LILRA1: variants seen among roughly 807,000 people sequenced by gnomAD.
LILRA1 encodes the protein leukocyte immunoglobulin like receptor A1, also known as leukocyte immunoglobulin-like receptor subfamily A member 1.
In LILRA1, 51 loss-of-function variants were observed where a neutral mutation model predicts 51.6. That is an observed-to-expected ratio of 0.99 (90% CI 0.79 to 1.25). LILRA1 has a LOEUF of 1.25. Ranked by LOEUF, LILRA1 falls within the 50% of genes most tolerant of loss-of-function variation. The pLI is 0.00. For synonymous variants in LILRA1, 305 were observed against 248.4 expected, an observed-to-expected ratio of 1.23 and a Z score of -2.14; for missense variants, 660 against 611.7, an observed-to-expected ratio of 1.08 and a Z score of -0.83.
chr19:54,596,126 C>A, intron 6 of LILRA1, 63 bp from the exon 7 acceptor site: 1 of 1,570,220 alleles, frequency 6.4e-7, no homozygotes, highest in Non-Finnish European at 8.6e-7. Context: ...CAGATAGAAG[C>A]CTGGGGAGGC....
Position 54,596,379 on chromosome 19 carries a change from T to G in LILRA1, c.1149T>G (p.Pro383=), listed in dbSNP as rs761839719. 1.3e-6 allele frequency: 2 copies of G among 1,595,102 alleles called. No individual in the cohort carries two copies. Among genetic ancestry groups the G allele is most frequent in the Non-Finnish European group, 8.6e-7 (1 of 1,168,908 alleles). The change falls in exon 7 of 10, where the codon CCT becomes CCG. Residue 383 remains proline, a synonymous_variant. Coordinates refer to ENST00000251372, the MANE Select transcript of LILRA1 (RefSeq NM_006863.4). ...ATCCTAAGTACCAGGCTGAATTCCC[T>G]ATGAGTCCTGTGACCTCAGCCCACT... ...HEYPKYQAEF[P]MSPVTSAHSG... is the part of the protein sequence containing the mutation.
At position 54,600,999 on chromosome 19, in the gene LILRA1, G is replaced by A; in HGVS notation, c.*182G>A. 1 of 692,210 alleles carries A rather than the reference G, an allele frequency of 1.4e-6. No homozygotes were observed. The highest frequency in any genetic ancestry group is 2.6e-5 in the Admixed American group (1 of 38,982). The allele number at this position is 692,210 out of a possible 1,614,324, so 42.9% of individuals were successfully genotyped here. A position where few individuals can be genotyped will look rare whatever the true frequency, so the allele number is the denominator to read the frequency against. Reference sequence around the variant, plus strand: ...TGTTGGATTGCAGAGACATTTTCTGGAGTGATCCATGAAGGACCATTAACC... The same window carrying A: ...TGTTGGATTGCAGAGACATTTTCTGAAGTGATCCATGAAGGACCATTAACC... On this transcript the variant is annotated 3_prime_UTR_variant, in exon 10 of 10. Coordinates refer to ENST00000251372, the MANE Select transcript of LILRA1 (RefSeq NM_006863.4).
At position 54,598,531 on chromosome 19, in the gene LILRA1, C is replaced by T. The variant is rs529020056; in HGVS notation, c.1262-705C>T. 3.3e-5 allele frequency among the ~76,000 whole-genome samples: 5 copies of T among 152,184 alleles called. No homozygotes were observed. The East Asian group carries it at 9.7e-4, about 29-fold the overall frequency. ...CAGCCCTGGGCCTGGGGGGTTCATG[C>T]CCAACCTTGTCCAATCACTGGATAA... On this transcript the variant is annotated intron_variant, in intron 7 of 9. Transcript: ENST00000251372.
At chr19:54,599,756 T>C (rs2063131994) in intron 8 of LILRA1, 5 of 421,440 alleles carry the variant, frequency 1.2e-5, no homozygotes, top group Non-Finnish European at 1.3e-5. Context: ...TACTTTTGAA[T>C]ATGTGTGTAA....
intron 8 of LILRA1, 129 bp from the exon 9 acceptor site, chr19:54,600,383 C>T (rs894671813): frequency 7.2e-6 from 6 of 834,358 alleles, no homozygotes; most frequent in African/African-American, 5.1e-5. Context: ...TGGAGGGAAC[C>T]CTGCTACACA....
chr19:54,599,128 C>G, intron 7 of LILRA1, 108 bp from the exon 8 acceptor site: 3 of 1,288,416 alleles, frequency 2.3e-6, no homozygotes, highest in Non-Finnish European at 3.1e-6. Flanking sequence ...CCCAGGACAC[C>G]CACCTCTCCT....
At chr19:54,596,628 G>A in intron 7 of LILRA1, 137 bp downstream of exon 7, 1 of 1,262,666 alleles carries the variant, frequency 7.9e-7, no homozygotes, top group African/African-American at 1.5e-5. Context: ...AGCACTTTGG[G>A]AGGCCCAGGC....
chr19:54,595,266 TG>T lies in LILRA1; in HGVS notation c.528del (p.Trp177GlyfsTer11). ...GCCTGAACTCACAGCCCCGTACCCATGGGTGGTCCCGGGCCATCTTCTCTGT... is the reference window on the plus strand; with the variant it reads ...GCCTGAACTCACAGCCCCGTACCCATGGTGGTCCCGGGCCATCTTCTCTGT... ...QCLNSQPRTH[G>X]WSRAIFSVGP... On this transcript the variant is annotated frameshift_variant, in exon 5 of 10. Transcript: ENST00000251372. LOFTEE classifies it high-confidence loss of function. 1 of 1,613,700 alleles carries T rather than the reference TG, an allele frequency of 6.2e-7. No homozygotes were observed. Among genetic ancestry groups the T allele is most frequent in the Non-Finnish European group, 8.5e-7 (1 of 1,179,892 alleles).
At chr19:54,599,480 A>C in intron 8 of LILRA1, 194 bp downstream of exon 8, 1 of 1,245,420 alleles carries the variant, frequency 8.0e-7, no homozygotes, top group South Asian at 1.5e-5. Flanking sequence ...ATAACTATCC[A>C]TGAGAAAGCT....
At chr19:54,599,621 T>G in intron 8 of LILRA1, 4 of 1,013,378 alleles carry the variant, frequency 3.9e-6, no homozygotes, top group Non-Finnish European at 4.9e-6. Flanking sequence ...TGGGAAATTT[T>G]ACTTCTTTAT....
rs1329077704 is a variant in LILRA1, at chr19:54,600,532, C to G, written c.1333C>G (p.Pro445Ala). The G allele has an allele frequency of 6.2e-7, 1 of 1,613,952 alleles. No homozygotes were observed. The highest frequency in any genetic ancestry group is 8.5e-7 in the Non-Finnish European group (1 of 1,180,016). ...CTCAGGAGCAGCTAACACCCTCAGC[C>G]CATCACAAAACAAGACTGGTGAGTG... The part of the protein sequence containing the change: ...SKAGAANTLS[P>A]SQNKTASHPQ... The change falls in exon 9 of 10, where the codon CCA (proline) becomes GCA (alanine). Residue 445 changes from proline to alanine, a missense_variant. Pro to Ala is a conservative substitution (Grantham distance 27). Coordinates refer to ENST00000251372, the MANE Select transcript of LILRA1 (RefSeq NM_006863.4).
Position 54,594,201 on chromosome 19 carries a change from G to A in LILRA1, c.-44G>A, listed in dbSNP as rs28635090. On this transcript the variant is annotated 5_prime_UTR_variant, in exon 2 of 10. Transcript: ENST00000251372. ...TGTGTGTCTCTGTCCTGCCAGCACC[G>A]AGGGCTCATCCATCCGCAGAGCAGG... The A allele has an allele frequency of 4.6e-5, 74 of 1,609,132 alleles. 1 individual carries two copies. The highest frequency in any genetic ancestry group is 1.7e-4 in the Middle Eastern group (1 of 6,046).
rs771559137 is a variant in LILRA1, at chr19:54,599,482, G to A, written c.1312+196G>A. 17 of 1,242,906 alleles carry A rather than the reference G, an allele frequency of 1.4e-5. No homozygotes were observed. The East Asian group carries it at 6.8e-4, about 49-fold the overall frequency. 77.0% of individuals were successfully genotyped at this position (1,242,906 alleles called of 1,614,324 possible). ...TTTAAAATAAGAGATAACTATCCAT[G>A]AGAAAGCTACTGCTTTGAGTATATT... On this transcript the variant is annotated intron_variant, in intron 8 of 9. Coordinates refer to ENST00000251372, the MANE Select transcript of LILRA1 (RefSeq NM_006863.4).
Position 54,595,335 on chromosome 19 carries a change from T to G in LILRA1, c.594T>G (p.Tyr198Ter). ...SPSRRWSYRC[Y>*]AYDSNSPHVW... ...GTCGCAGGTGGTCGTACAGGTGCTA[T>G]GCTTATGACTCGAACTCTCCCCATG... The change falls in exon 5 of 10, where the codon TAT (tyrosine) becomes TAG (stop). Residue 198 changes from tyrosine (Y) to a stop codon, truncating the protein, a stop_gained. Coordinates refer to ENST00000251372, the MANE Select transcript of LILRA1 (RefSeq NM_006863.4). LOFTEE classifies it high-confidence loss of function. 1 of 1,614,086 alleles carries G rather than the reference T, an allele frequency of 6.2e-7. No individual in the cohort carries two copies. The highest frequency in any genetic ancestry group is 8.5e-7 in the Non-Finnish European group (1 of 1,179,958).
At chr19:54,599,174 T>C (rs1401409780) in intron 7 of LILRA1, 62 bp from the exon 8 acceptor site, 9 of 1,460,554 alleles carry the variant, frequency 6.2e-6, no homozygotes, top group East Asian at 3.3e-5. Context: ...CATAATCTTA[T>C]ATAGAATTTG....
intron 8 of LILRA1, 188 bp downstream of exon 8, chr19:54,599,474 C>G: frequency 8.0e-7 from 1 of 1,250,948 alleles, no homozygotes; most frequent in Non-Finnish European, 1.0e-6. Flanking sequence ...TAAGAGATAA[C>G]TATCCATGAG....
chr19:54,598,928 T>G (rs941445670), intron 7 of LILRA1, among the ~76,000 whole-genome samples: 10 of 152,112 alleles, frequency 6.6e-5, no homozygotes, highest in African/African-American at 2.4e-4. Context: ...CCCGAGTAGC[T>G]GGGATTACAG....
chr19:54,600,036 C>T (rs1326806349), intron 8 of LILRA1, among the ~76,000 whole-genome samples: 1 of 152,158 alleles, frequency 6.6e-6, no homozygotes, highest in African/African-American at 2.4e-5. Context: ...GAAGATGAAA[C>T]CCCAGGTGAA....
rs35066441 is a variant in LILRA1, at chr19:54,595,892, C to G, written c.915C>G (p.Ser305=). 1.2e-6 allele frequency: 2 copies of G among 1,607,414 alleles called. No individual in the cohort carries two copies. Among genetic ancestry groups the G allele is most frequent in the Middle Eastern group, 1.7e-4 (1 of 5,718 alleles). The change falls in exon 6 of 10, where the codon TCC becomes TCG. Residue 305 remains serine, a synonymous_variant. Transcript: ENST00000251372. ...GCTCCGGTGCATACAACCTCTCCTC[C>G]GAGTGGTCGGCCCCCAGCGACCCCC... is the stretch of plus-strand genomic sequence containing the variant. ...YRCSGAYNLS[S]EWSAPSDPLD...
Sources: allele counts gnomAD v4.1 joint callset (sites outside exome capture counted in the v4.1 genomes callset), GRCh38; gene constraint gnomAD v4.1.1; transcripts MANE v1.5; gene names NCBI Gene and HGNC (gene_info 2026-07-23, HGNC 2026-07-21).